SKIC3: variants seen among roughly 807,000 people sequenced by gnomAD.
The protein encoded by SKIC3 is SKI3 subunit of superkiller complex.
the SKIC3 span, among the ~76,000 whole-genome samples, chr5:95,502,265 C>A: frequency 2.0e-5 from 3 of 152,120 alleles, no homozygotes; most frequent in South Asian, 6.2e-4. Context: ...TGGTATCACT[C>A]AAAAATGCCA....
the SKIC3 span, among the ~76,000 whole-genome samples, chr5:95,537,441 T>C: frequency 6.6e-6 from 1 of 152,222 alleles, no homozygotes; most frequent in Non-Finnish European, 1.5e-5. Context: ...CAGAGTATAG[T>C]CTTATATGCT....
At chr5:95,532,613 G>C in the SKIC3 span, among the ~76,000 whole-genome samples, 1 of 152,110 alleles carries the variant, frequency 6.6e-6, no homozygotes, top group Non-Finnish European at 1.5e-5. Flanking sequence ...AGAGGAAATA[G>C]AATTCATTGC....
chr5:95,470,428 A>T, the SKIC3 span, among the ~76,000 whole-genome samples: 1 of 152,224 alleles, frequency 6.6e-6, no homozygotes, highest in Non-Finnish European at 1.5e-5. Context: ...GTTTTCAAAG[A>T]GGAGATATTT....
chr5:95,541,413 G>A, the SKIC3 span: 1 of 1,598,036 alleles, frequency 6.3e-7, no homozygotes. Context: ...ACACACAAAA[G>A]GATTTTGAAT....
At chr5:95,467,231 CT>C in the SKIC3 span, among the ~76,000 whole-genome samples, 1 of 152,044 alleles carries the variant, frequency 6.6e-6, no homozygotes, top group Non-Finnish European at 1.5e-5. Flanking sequence ...TTCTCTTTCA[CT>C]TAAAAAAGCT....
At chr5:95,508,969 A>T in the SKIC3 span, among the ~76,000 whole-genome samples, 1 of 152,174 alleles carries the variant, frequency 6.6e-6, no homozygotes, top group Non-Finnish European at 1.5e-5. Flanking sequence ...CTTTTCTAAA[A>T]ATCTGAGAAG....
the SKIC3 span, chr5:95,516,694 A>C: frequency 6.2e-7 from 1 of 1,613,426 alleles, no homozygotes; most frequent in Non-Finnish European, 8.5e-7. Context: ...CAACCACACC[A>C]AGAGCATTCC....
At chr5:95,528,236 T>C in the SKIC3 span, 3 of 1,531,240 alleles carry the variant, frequency 2.0e-6, no homozygotes, top group Non-Finnish European at 2.7e-6. Flanking sequence ...ATATAATAAA[T>C]TGCAGATACA....
At chr5:95,505,421 A>G in the SKIC3 span, among the ~76,000 whole-genome samples, 2 of 152,242 alleles carry the variant, frequency 1.3e-5, no homozygotes, top group South Asian at 2.1e-4. Flanking sequence ...TTAAATAAAC[A>G]CTATCTTCTA....
the SKIC3 span, among the ~76,000 whole-genome samples, chr5:95,484,267 C>A: frequency 1.3e-5 from 2 of 149,970 alleles, no homozygotes; most frequent in Non-Finnish European, 3.0e-5. Context: ...GTACAGTAAT[C>A]AATAAATTTT....
chr5:95,530,033 C>G, the SKIC3 span: 3 of 1,596,884 alleles, frequency 1.9e-6, no homozygotes, highest in African/African-American at 1.3e-5. Flanking sequence ...AGATAAATGC[C>G]TACTGACTGA....
chr5:95,495,755 G>T, the SKIC3 span, among the ~76,000 whole-genome samples: 2 of 152,218 alleles, frequency 1.3e-5, no homozygotes, highest in African/African-American at 4.8e-5. Context: ...GAGGTTGTTA[G>T]ATGTGCAGAA....
At chr5:95,540,968 T>C in the SKIC3 span, 2 of 899,160 alleles carry the variant, frequency 2.2e-6, no homozygotes, top group African/African-American at 1.7e-5. Flanking sequence ...TCTATTTTAT[T>C]TTATTTTATT....
chr5:95,469,718 A>C, the SKIC3 span: 4 of 1,603,828 alleles, frequency 2.5e-6, no homozygotes, highest in Non-Finnish European at 3.4e-6. Context: ...TTCCTTGATT[A>C]TTTCCTAGAA....
At chr5:95,484,892 G>A in the SKIC3 span, 3 of 1,601,108 alleles carry the variant, frequency 1.9e-6, no homozygotes, top group African/African-American at 2.7e-5. Flanking sequence ...AATTTATAAT[G>A]TGTTCTTAGA....
the SKIC3 span, among the ~76,000 whole-genome samples, chr5:95,547,370 T>A: frequency 6.6e-6 from 1 of 152,156 alleles, no homozygotes; most frequent in South Asian, 2.1e-4. Context: ...GACATGCTAT[T>A]TAACATTTTA....
chr5:95,505,596 G>A, the SKIC3 span, among the ~76,000 whole-genome samples: 5 of 152,002 alleles, frequency 3.3e-5, no homozygotes, highest in South Asian at 6.2e-4. Context: ...GGCGAATCAC[G>A]AGGTCAGGAG....
At chr5:95,530,022 A>G in the SKIC3 span, 2 of 1,585,612 alleles carry the variant, frequency 1.3e-6, no homozygotes, top group East Asian at 4.5e-5. Flanking sequence ...GAAAGGCTCA[A>G]AGATAAATGC....
At chr5:95,479,370 G>A in the SKIC3 span, among the ~76,000 whole-genome samples, 1 of 152,108 alleles carries the variant, frequency 6.6e-6, no homozygotes, top group Non-Finnish European at 1.5e-5. Flanking sequence ...ATTCAGTAGA[G>A]TATTACTTTG....
Sources: gnomAD v4.1 joint callset for allele counts (sites outside exome capture counted in the v4.1 genomes callset) on GRCh38, gnomAD v4.1.1 for gene constraint, MANE v1.5 for transcripts, NCBI Gene and HGNC (gene_info 2026-07-23, HGNC 2026-07-21) for gene names.